NTM: variants seen among roughly 807,000 people sequenced by gnomAD.
NTM encodes neurotrimin.
Under a neutral mutation model 42.1 loss-of-function variants are expected in NTM, and 13 were observed. That is an observed-to-expected ratio of 0.31 (90% CI 0.20 to 0.49). The LOEUF (loss-of-function observed/expected upper bound fraction) is 0.49, where lower values mean the gene tolerates loss of function less well. Among genes scored for constraint, NTM ranks in the 20% least tolerant of loss-of-function variants. The probability of loss-of-function intolerance (pLI) is 0.99; values close to 1 mark genes in which losing one functional copy is unlikely to be tolerated. For missense variants in NTM, 373 were observed against 452.8 expected (o/e 0.82, Z 1.60); for synonymous variants, 187 against 179.2 (o/e 1.04, Z -0.35).
At chr11:131,889,331 G>A (rs962108804) in intron 1 of NTM, among the ~76,000 whole-genome samples, 2 of 152,118 alleles carry the variant, frequency 1.3e-5, no homozygotes, top group Admixed American at 1.3e-4. Context: ...TCCTTTTAAG[G>A]TAGGGGACCA....
rs546108662 is a variant in NTM, at chr11:131,706,499, C to T, written c.83-205065C>T. Among the ~76,000 whole-genome samples, 31 of 152,026 alleles carry T rather than the reference C, an allele frequency of 2.0e-4. 1 individual carries two copies. The highest frequency in any genetic ancestry group is 7.0e-4 in the African/African-American group (29 of 41,540). On this transcript the variant is annotated intron_variant, in intron 1 of 8. Transcript: ENST00000683400. ...ATTAAAGGGATCCTAACCTAAAAAA[C>T]ATAAAGAACATTCCATCCAACAGCA...
intron 2 of NTM, among the ~76,000 whole-genome samples, chr11:131,944,416 A>G (rs2060134811): frequency 6.6e-6 from 1 of 152,192 alleles, no homozygotes; most frequent in African/African-American, 2.4e-5. Flanking sequence ...TGCTTCATGC[A>G]CAAAACATAG....
At chr11:132,044,598 G>C (rs1476600441) in intron 2 of NTM, among the ~76,000 whole-genome samples, 2 of 152,026 alleles carry the variant, frequency 1.3e-5, no homozygotes, top group Non-Finnish European at 2.9e-5. Context: ...GAAGCAACAA[G>C]CTGCCCCATT....
intron 1 of NTM, among the ~76,000 whole-genome samples, chr11:131,711,071 C>T (rs1506669): frequency 0.16 from 24,993 of 152,084 alleles, 2,152 homozygotes; most frequent in South Asian, 0.22. Context: ...TAGGCATGGG[C>T]AAGGACTTCA....
intron 1 of NTM, among the ~76,000 whole-genome samples, chr11:131,800,428 A>G (rs533793713): frequency 2.2e-4 from 34 of 152,382 alleles, no homozygotes; most frequent in African/African-American, 7.5e-4. Flanking sequence ...GGGAATTGTG[A>G]AACACAGAAC....
chr11:131,605,345 C>T (rs1433737115), intron 1 of NTM, among the ~76,000 whole-genome samples: 1 of 152,092 alleles, frequency 6.6e-6, no homozygotes, highest in Non-Finnish European at 1.5e-5. Flanking sequence ...CTTGATTTCA[C>T]TTTTGGATTG....
chr11:131,570,078 T>C (rs1250871075), intron 1 of NTM, among the ~76,000 whole-genome samples: 1 of 152,260 alleles, frequency 6.6e-6, no homozygotes, highest in African/African-American at 2.4e-5. Context: ...TCATTTATTC[T>C]GTCTATATCA....
chr11:131,885,036 G>A (rs1402987208), intron 1 of NTM, among the ~76,000 whole-genome samples: 2 of 152,222 alleles, frequency 1.3e-5, no homozygotes, highest in South Asian at 2.1e-4. Flanking sequence ...TTTGGGTCAA[G>A]CAGTGTAATC....
At chr11:131,553,561 T>A (rs1364185422) in intron 1 of NTM, among the ~76,000 whole-genome samples, 1 of 152,198 alleles carries the variant, frequency 6.6e-6, no homozygotes, top group Non-Finnish European at 1.5e-5. Flanking sequence ...CATTAGTTTC[T>A]AAGCCCAGTT....
At chr11:131,739,300 C>T (rs1591527189) in intron 1 of NTM, among the ~76,000 whole-genome samples, 1 of 152,048 alleles carries the variant, frequency 6.6e-6, no homozygotes, top group East Asian at 1.9e-4. Context: ...TGGAACAGAG[C>T]ATTTTAAGGT....
intron 2 of NTM, among the ~76,000 whole-genome samples, chr11:132,089,819 A>G (rs188473632): frequency 1.1e-4 from 16 of 152,274 alleles, no homozygotes; most frequent in African/African-American, 3.6e-4. Context: ...GCTTTTTTCA[A>G]AATGTCTTAT....
intron 1 of NTM, among the ~76,000 whole-genome samples, chr11:131,899,586 T>C (rs2052816672): frequency 6.6e-6 from 1 of 152,196 alleles, no homozygotes; most frequent in Non-Finnish European, 1.5e-5. Context: ...ACAGTGGCAA[T>C]TTTACATGAG....
intron 2 of NTM, among the ~76,000 whole-genome samples, chr11:132,060,535 G>T (rs2080491823): frequency 6.6e-6 from 1 of 152,172 alleles, no homozygotes; most frequent in Admixed American, 6.5e-5. Context: ...ATAACATTTT[G>T]CTGTTGGTAA....
intron 3 of NTM, among the ~76,000 whole-genome samples, chr11:132,209,023 G>C (rs532420191): frequency 6.6e-6 from 1 of 152,248 alleles, no homozygotes; most frequent in Admixed American, 6.5e-5. Flanking sequence ...CAAACGTATG[G>C]GTTGGTGTTG....
At chr11:131,837,370 T>C (rs1359349716) in intron 1 of NTM, among the ~76,000 whole-genome samples, 1 of 152,188 alleles carries the variant, frequency 6.6e-6, no homozygotes, top group African/African-American at 2.4e-5. Context: ...TAAACCACTC[T>C]TCTCATTATA....
chr11:131,492,695 G>T (rs1954925866), intron 1 of NTM, among the ~76,000 whole-genome samples: 1 of 152,136 alleles, frequency 6.6e-6, no homozygotes, highest in Non-Finnish European at 1.5e-5. Context: ...ACATTAAATA[G>T]ATCCATGTGT....
intron 2 of NTM, among the ~76,000 whole-genome samples, chr11:131,999,811 T>G (rs2068819512): frequency 6.6e-6 from 1 of 152,210 alleles, no homozygotes; most frequent in East Asian, 1.9e-4. Flanking sequence ...ATCAAAGCAT[T>G]CATTAAAGAG....
At chr11:131,665,859 T>G (rs1270295042) in intron 1 of NTM, among the ~76,000 whole-genome samples, 8 of 152,202 alleles carry the variant, frequency 5.3e-5, no homozygotes, top group Non-Finnish European at 1.0e-4. Flanking sequence ...CCCATGTTGA[T>G]CCCCAGTTTC....
At chr11:131,450,424 G>A (rs1046258781) in intron 1 of NTM, among the ~76,000 whole-genome samples, 3 of 152,138 alleles carry the variant, frequency 2.0e-5, no homozygotes, top group Non-Finnish European at 2.9e-5. Flanking sequence ...TTCTCCCTGA[G>A]CCCATTCCGC....
Sources: allele counts gnomAD v4.1 joint callset (sites outside exome capture counted in the v4.1 genomes callset), GRCh38; gene constraint gnomAD v4.1.1; transcripts MANE v1.5; gene names NCBI Gene and HGNC (gene_info 2026-07-23, HGNC 2026-07-21).